ASAH2: variants seen among roughly 807,000 people sequenced by gnomAD.
ASAH2 encodes the protein neutral ceramidase.
A neutral mutation model predicts 82.9 loss-of-function variants in ASAH2; 58 were observed. That is an observed-to-expected ratio of 0.70 (90% CI 0.57 to 0.87). ASAH2 has a LOEUF of 0.87. ASAH2 is among the 40% of genes least tolerant of loss of function. The probability of loss-of-function intolerance (pLI) is 0.00; values close to 1 mark genes in which losing one functional copy is unlikely to be tolerated. For synonymous variants in ASAH2, 276 were observed against 289.7 expected (o/e 0.95, Z 0.48); for missense variants, 779 against 834.0 (o/e 0.93, Z 0.81).
At chr10:50,204,673 A>G (rs1845248009) in intron 14 of ASAH2, among the ~76,000 whole-genome samples, 188 bp downstream of exon 14, 1 of 151,920 alleles carries the variant, frequency 6.6e-6, no homozygotes, top group Admixed American at 6.6e-5. Flanking sequence ...GCCATCAATA[A>G]TAAGCATAGA....
intron 16 of ASAH2, among the ~76,000 whole-genome samples, chr10:50,201,262 C>T (rs1442558892): frequency 2.0e-5 from 3 of 152,074 alleles, no homozygotes; most frequent in African/African-American, 7.2e-5. Flanking sequence ...CCTGATTCTT[C>T]CTAGACACTG....
chr10:50,201,367 T>C (rs1462507012), intron 16 of ASAH2, among the ~76,000 whole-genome samples: 1 of 152,094 alleles, frequency 6.6e-6, no homozygotes, highest in Non-Finnish European at 1.5e-5. Context: ...ATGTAATACA[T>C]GCCCACTTGG....
At chr10:50,228,461 AAC>A (rs1845943710) in intron 7 of ASAH2, among the ~76,000 whole-genome samples, 1 of 152,184 alleles carries the variant, frequency 6.6e-6, no homozygotes, top group African/African-American at 2.4e-5. Context: ...TTAAAAACAA[AAC>A]AGTTTTATGT....
intron 7 of ASAH2, among the ~76,000 whole-genome samples, chr10:50,227,921 C>T (rs1453817456): frequency 6.6e-6 from 1 of 152,174 alleles, no homozygotes; most frequent in Non-Finnish European, 1.5e-5. Context: ...CCAAGCTCCA[C>T]TGAAGAAGAA....
In ASAH2 at chr10:50,218,649, C is replaced by T. The variant is rs1019715271; in HGVS notation, c.894-19G>A. On this transcript the variant is annotated intron_variant, in intron 7 of 20. Coordinates refer to ENST00000682911, the MANE Select transcript of ASAH2 (RefSeq NM_019893.4). ...AAACCAGCTGTAAAAGAGCAAGAAGCTCTAAATTAATCAGGAGAACGAGAG... is the reference window on the plus strand; with the variant it reads ...AAACCAGCTGTAAAAGAGCAAGAAGTTCTAAATTAATCAGGAGAACGAGAG... The T allele has an allele frequency of 8.7e-6, 14 of 1,613,540 alleles. No individual in the cohort carries two copies. The highest frequency in any genetic ancestry group is 4.0e-5 in the African/African-American group (3 of 74,904).
In ASAH2 at chr10:50,206,037, GA is replaced by G; in HGVS notation, c.1474del (p.Ser492LeufsTer43). 6.2e-7 allele frequency: 1 copy of G among 1,612,630 alleles called. No individual in the cohort carries two copies. The highest frequency in any genetic ancestry group is 8.5e-7 in the Non-Finnish European group (1 of 1,178,930). ...TIRDQILGKP[S>X]EEIKECHKPK... is the part of the protein sequence containing the mutation. The stretch of plus-strand genomic sequence containing the variant: ...TTTATGACATTCTTTAATTTCTTCA[GA>G]TGGCTTTCCCAGGATCTGGTCCCGA... On this transcript the variant is annotated frameshift_variant, in exon 13 of 21. Transcript: ENST00000682911. LOFTEE classifies it high-confidence loss of function.
rs1554902359 is a variant in ASAH2, at chr10:50,187,084, C to CCTCTCTCTCTCTCTCTCTCTCTCT, written c.*207_*230dup. ...GCTGGAGCAAGATATATGGGACAAA[C>CCTCTCTCTCTCTCTCTCTCTCTCT]CTCTCTCTCTCTCTCTCTCTCTCTC... On this transcript the variant is annotated 3_prime_UTR_variant, in exon 21 of 21. Transcript: ENST00000682911. 87 of 183,512 alleles carry CCTCTCTCTCTCTCTCTCTCTCTCT rather than the reference C, an allele frequency of 4.7e-4. 15 individuals are homozygous for CCTCTCTCTCTCTCTCTCTCTCTCT. Among genetic ancestry groups the CCTCTCTCTCTCTCTCTCTCTCTCT allele is most frequent in the East Asian group, 1.3e-3 (10 of 7,638 alleles). 11.4% of individuals were successfully genotyped at this position (183,512 alleles called of 1,614,324 possible). A position where few individuals can be genotyped will look rare whatever the true frequency, so the allele number is the denominator to read the frequency against.
intron 7 of ASAH2, among the ~76,000 whole-genome samples, chr10:50,226,985 A>C (rs1845903597): frequency 6.6e-6 from 1 of 152,152 alleles, no homozygotes; most frequent in Admixed American, 6.5e-5. Context: ...CTATCAATCC[A>C]AAAAAAGTAA....
At position 50,214,879 on chromosome 10, in the gene ASAH2, A is replaced by G. The variant is rs781375376; in HGVS notation, c.1015-11T>C. 1.2e-6 allele frequency: 2 copies of G among 1,613,096 alleles called. No individual in the cohort carries two copies. The highest frequency in any genetic ancestry group is 2.7e-5 in the African/African-American group (2 of 74,908). On this transcript the variant is annotated splice_polypyrimidine_tract_variant and intron_variant, in intron 8 of 20. Transcript: ENST00000682911. Reference sequence around the variant, plus strand: ...TGCTACAAATGGCCCCTGCCAAAAGAAATGCCAAGTTGCCTTTTATTCTTT... The same window carrying G: ...TGCTACAAATGGCCCCTGCCAAAAGGAATGCCAAGTTGCCTTTTATTCTTT...
chr10:50,224,180 T>C (rs976142726), intron 7 of ASAH2, among the ~76,000 whole-genome samples: 1 of 152,114 alleles, frequency 6.6e-6, no homozygotes, highest in African/African-American at 2.4e-5. Context: ...ATAATGATAA[T>C]AGTAGTACCT....
chr10:50,203,697 T>A lies in ASAH2; in HGVS notation c.1626-18A>T. 1.2e-6 allele frequency: 2 copies of A among 1,611,424 alleles called. No homozygotes were observed. Among genetic ancestry groups the A allele is most frequent in the Non-Finnish European group, 1.7e-6 (2 of 1,177,870 alleles). Reference sequence around the variant, plus strand: ...ACATGGTCCTGAGTCAAGAAAAAAATTATGTAAACGTTTTCCTACTAGACG... The same window carrying A: ...ACATGGTCCTGAGTCAAGAAAAAAAATATGTAAACGTTTTCCTACTAGACG... On this transcript the variant is annotated intron_variant, in intron 14 of 20. Transcript: ENST00000682911.
intron 8 of ASAH2, among the ~76,000 whole-genome samples, chr10:50,216,160 G>C (rs370770035): frequency 2.0e-5 from 3 of 151,630 alleles, no homozygotes; most frequent in African/African-American, 7.3e-5. Flanking sequence ...CCTGTCAGGG[G>C]GTGGGGGGCT....
At position 50,206,018 on chromosome 10, in the gene ASAH2, A is replaced by T; in HGVS notation, c.1494T>A (p.Cys498Ter). 1 of 1,612,622 alleles carries T rather than the reference A, an allele frequency of 6.2e-7. No homozygotes were observed. The highest frequency in any genetic ancestry group is 8.5e-7 in the Non-Finnish European group (1 of 1,178,864). Residue 498 changes from cysteine (C) to a stop codon, truncating the protein, a stop_gained, in exon 13 of 21, where the codon TGT becomes TGA. Coordinates refer to ENST00000682911, the MANE Select transcript of ASAH2 (RefSeq NM_019893.4). LOFTEE classifies it high-confidence loss of function. ...GAAGAAGGATGGGCTTTGGTTTATGACATTCTTTAATTTCTTCAGATGGCT... is the reference window on the plus strand; with the variant it reads ...GAAGAAGGATGGGCTTTGGTTTATGTCATTCTTTAATTTCTTCAGATGGCT... ...LGKPSEEIKE[C>*]HKPKPILLHT... is the part of the protein sequence containing the mutation.
chr10:50,209,706 C>A (rs1235515727), intron 12 of ASAH2, among the ~76,000 whole-genome samples: 2 of 151,808 alleles, frequency 1.3e-5, no homozygotes, highest in East Asian at 3.9e-4. Flanking sequence ...GAAAAATAAC[C>A]CAAATTTTAA....
chr10:50,248,093 A>G (rs531312954), intron 2 of ASAH2, among the ~76,000 whole-genome samples: 2 of 152,326 alleles, frequency 1.3e-5, no homozygotes, highest in East Asian at 3.9e-4. Flanking sequence ...ACTAATTGAC[A>G]TTCATTCAGT....
chr10:50,216,475 CTG>C (rs1845604749), intron 8 of ASAH2, among the ~76,000 whole-genome samples: 1 of 152,170 alleles, frequency 6.6e-6, no homozygotes, highest in African/African-American at 2.4e-5. Flanking sequence ...ACCAGAAACA[CTG>C]TGTGCAACAA....
chr10:50,208,198 A>G (rs1845354908), intron 12 of ASAH2, among the ~76,000 whole-genome samples: 1 of 152,026 alleles, frequency 6.6e-6, no homozygotes, highest in African/African-American at 2.4e-5. Flanking sequence ...AGCTAACATT[A>G]TAGTTAATGA....
At chr10:50,220,707 A>G (rs1845720015) in intron 7 of ASAH2, among the ~76,000 whole-genome samples, 1 of 152,102 alleles carries the variant, frequency 6.6e-6, no homozygotes, top group African/African-American at 2.4e-5. Flanking sequence ...TAATCTGTAC[A>G]ATGAAGCCCC....
intron 17 of ASAH2, 31 bp downstream of exon 17, chr10:50,199,020 G>T: frequency 6.2e-7 from 1 of 1,603,810 alleles, no homozygotes; most frequent in Non-Finnish European, 8.5e-7. Flanking sequence ...ACACGCACGC[G>T]CGCATGCACG....
Sources: gnomAD v4.1 joint callset for allele counts (sites outside exome capture counted in the v4.1 genomes callset) on GRCh38, gnomAD v4.1.1 for gene constraint, MANE v1.5 for transcripts, NCBI Gene and HGNC (gene_info 2026-07-23, HGNC 2026-07-21) for gene names.